Variants in LMBR1 observed in about 807,000 individuals in gnomAD.
LMBR1 encodes the protein limb region 1 protein homolog.
LMBR1 carries 52 observed loss-of-function variants against 73.9 expected under a neutral mutation model. The ratio of observed to expected loss-of-function variants is 0.70; its 90% CI spans 0.56 to 0.89. The LOEUF (loss-of-function observed/expected upper bound fraction) is 0.89. Among genes scored for constraint, LMBR1 ranks in the 40% least tolerant of loss-of-function variants. LMBR1 has a pLI of 0.00. For synonymous variants in LMBR1, 215 were observed against 209.4 expected, an observed-to-expected ratio of 1.03 and a Z score of -0.23; for missense variants, 539 against 579.8, an observed-to-expected ratio of 0.93 and a Z score of 0.72.
At position 156,768,744 on chromosome 7, in the gene LMBR1, T is replaced by C. The variant is rs114253748; in HGVS notation, c.424-4949A>G. Among the ~76,000 whole-genome samples, 153 of 152,314 alleles carry C rather than the reference T, an allele frequency of 1.0e-3. 1 individual carries two copies. The highest frequency in any genetic ancestry group is 3.4e-3 in the African/African-American group (143 of 41,570). ...ACCATTTTTATTTGGCTAGGAGGCC[T>C]GTTAAGCTTCTTCCATTTTACTGGA... On this transcript the variant is annotated intron_variant, in intron 5 of 16. Transcript: ENST00000353442.
At chr7:156,722,546 A>G (rs903219952) in intron 15 of LMBR1, among the ~76,000 whole-genome samples, 1 of 152,056 alleles carries the variant, frequency 6.6e-6, no homozygotes, top group Non-Finnish European at 1.5e-5. Flanking sequence ...TAACGTATTT[A>G]TTTCTTTTCA....
In LMBR1 at chr7:156,682,881, T is replaced by A. The variant is rs1399085605; in HGVS notation, c.*1197A>T. ...CGAATTGTGTGCAAATGGGCCCATC[T>A]CCTATTTTTGCATGCACAGATTTCG... On this transcript the variant is annotated 3_prime_UTR_variant, in exon 17 of 17. Coordinates refer to ENST00000353442, the MANE Select transcript of LMBR1 (RefSeq NM_022458.4). 6.6e-6 allele frequency: 1 copy of A among 152,244 alleles called. No homozygotes were observed. The highest frequency in any genetic ancestry group is 1.5e-5 in the Non-Finnish European group (1 of 68,042). The allele number at this position is 152,244 out of a possible 1,614,324, so 9.4% of individuals were successfully genotyped here. A position where few individuals can be genotyped will look rare whatever the true frequency, so the allele number is the denominator to read the frequency against.
rs772985105 is a variant in LMBR1 at position 156,688,057 on chromosome 7, C to A, written c.1360G>T (p.Val454Phe). ...LCLVRKFTSA[V>F]REELFKALGL... The stretch of plus-strand genomic sequence containing the variant: ...AGGGCCTTGAAAAGTTCTTCTCGAA[C>A]TGCAGAGGTGAATTTTCGGACCAGA... Residue 454 changes from valine (V) to phenylalanine (F), a missense_variant, in exon 16 of 17, where the codon GTT becomes TTT. By Grantham distance (50) the Val-to-Phe change is conservative. Transcript: ENST00000353442. 1 of 1,610,688 alleles carries A rather than the reference C, an allele frequency of 6.2e-7. No individual in the cohort carries two copies. The highest frequency in any genetic ancestry group is 8.5e-7 in the Non-Finnish European group (1 of 1,178,992).
At chr7:156,696,315 G>T (rs554263055) in intron 15 of LMBR1, among the ~76,000 whole-genome samples, 1 of 152,156 alleles carries the variant, frequency 6.6e-6, no homozygotes, top group Non-Finnish European at 1.5e-5. Context: ...CATATATTTT[G>T]ATAAAGAACT....
chr7:156,835,477 C>A (rs558634085), intron 2 of LMBR1, among the ~76,000 whole-genome samples: 74 of 152,266 alleles, frequency 4.9e-4, no homozygotes, highest in African/African-American at 1.7e-3. Context: ...GGCAGATTAT[C>A]TGAGGTCAGG....
chr7:156,809,235 C>T (rs1213002641), intron 4 of LMBR1, among the ~76,000 whole-genome samples: 1 of 152,212 alleles, frequency 6.6e-6, no homozygotes, highest in Non-Finnish European at 1.5e-5. Context: ...TAATGTACAG[C>T]TCTGCTGATG....
At chr7:156,885,169 A>G (rs1234275517) in intron 1 of LMBR1, among the ~76,000 whole-genome samples, 1 of 152,060 alleles carries the variant, frequency 6.6e-6, no homozygotes, top group Non-Finnish European at 1.5e-5. Flanking sequence ...CTTGGCCAAC[A>G]TGGCAAAACC....
chr7:156,798,190 G>T (rs188895927), intron 4 of LMBR1, among the ~76,000 whole-genome samples: 2 of 152,110 alleles, frequency 1.3e-5, no homozygotes, highest in African/African-American at 2.4e-5. Context: ...GGCTAATGAC[G>T]GGTCTGTAGA....
chr7:156,843,767 T>A (rs950156134), intron 1 of LMBR1, among the ~76,000 whole-genome samples: 1 of 145,922 alleles, frequency 6.9e-6, no homozygotes, highest in Non-Finnish European at 1.5e-5. Context: ...ACCTGGGAGA[T>A]GGAGGTTGTC....
chr7:156,699,677 A>G (rs1345655022), intron 15 of LMBR1, among the ~76,000 whole-genome samples: 2 of 152,118 alleles, frequency 1.3e-5, no homozygotes, highest in East Asian at 3.8e-4. Flanking sequence ...GCTAATATCC[A>G]GAATCTACAA....
At chr7:156,828,994 C>A (rs529168022) in intron 3 of LMBR1, among the ~76,000 whole-genome samples, 1 of 152,154 alleles carries the variant, frequency 6.6e-6, no homozygotes, top group South Asian at 2.1e-4. Flanking sequence ...GCTCATTAGA[C>A]GCCCCTTTCC....
At chr7:156,753,961 TC>T (rs1186361170) in intron 9 of LMBR1, among the ~76,000 whole-genome samples, 3 of 152,200 alleles carry the variant, frequency 2.0e-5, no homozygotes, top group African/African-American at 7.2e-5. Flanking sequence ...CAAATTCTTG[TC>T]CTTTTTTCTC....
chr7:156,891,016 C>A (rs994873697), intron 1 of LMBR1, among the ~76,000 whole-genome samples: 6 of 151,538 alleles, frequency 4.0e-5, no homozygotes, highest in African/African-American at 1.2e-4. Flanking sequence ...CATGGAGAAA[C>A]CCCGTCTCTA....
chr7:156,779,578 T>C (rs1826750567), intron 5 of LMBR1: 4 of 655,294 alleles, frequency 6.1e-6, no homozygotes, highest in South Asian at 5.7e-5. Context: ...TATGATATAA[T>C]TGCTTCTTGG....
At chr7:156,712,312 T>A (rs1464672544) in intron 15 of LMBR1, among the ~76,000 whole-genome samples, 2 of 152,168 alleles carry the variant, frequency 1.3e-5, no homozygotes, top group East Asian at 1.9e-4. Flanking sequence ...CAATGTGATA[T>A]TATCTTACAT....
intron 1 of LMBR1, among the ~76,000 whole-genome samples, chr7:156,891,211 A>AAAATAT: frequency 1.2e-5 from 1 of 81,500 alleles, no homozygotes; most frequent in African/African-American, 5.2e-5. Flanking sequence ...AAAAAAAAAA[A>AAAATAT]ATATATATAT....
chr7:156,694,751 C>A (rs1160665764), intron 15 of LMBR1, among the ~76,000 whole-genome samples: 9 of 151,956 alleles, frequency 5.9e-5, no homozygotes, highest in African/African-American at 1.7e-4. Context: ...ACATAAAAAA[C>A]CAGTGGAATT....
chr7:156,840,977 A>AG (rs1424094427), intron 1 of LMBR1, among the ~76,000 whole-genome samples: 1 of 143,078 alleles, frequency 7.0e-6, no homozygotes, highest in Non-Finnish European at 1.5e-5. Context: ...AAAAAAAAAA[A>AG]AAAAAAAGAA....
At chr7:156,694,877 C>T (rs373524564) in intron 15 of LMBR1, among the ~76,000 whole-genome samples, 5 of 152,160 alleles carry the variant, frequency 3.3e-5, no homozygotes, top group South Asian at 2.1e-4. Flanking sequence ...TAAACAAATT[C>T]CTTAAAAGAC....
Sources: allele counts gnomAD v4.1 joint callset (sites outside exome capture counted in the v4.1 genomes callset), GRCh38; gene constraint gnomAD v4.1.1; transcripts MANE v1.5; gene names NCBI Gene and HGNC (gene_info 2026-07-23, HGNC 2026-07-21).